Variants in RAP2B observed in about 807,000 individuals in gnomAD.
The protein encoded by RAP2B is ras-related protein Rap-2b.
In RAP2B, 6 loss-of-function variants were observed where a neutral mutation model predicts 14.4. The observed-to-expected ratio is 0.42, with a 90% CI of 0.23 to 0.82. The LOEUF (loss-of-function observed/expected upper bound fraction) is 0.82, where lower values mean the gene tolerates loss of function less well. Among genes scored for constraint, RAP2B ranks in the 40% least tolerant of loss-of-function variants. The pLI, the probability that RAP2B is intolerant of heterozygous loss-of-function variation, is 0.30. For missense variants in RAP2B, 137 were observed against 248.2 expected (o/e 0.55, Z 3.01); for synonymous variants, 118 against 113.2 (o/e 1.04, Z -0.27).
rs752382008 is a variant in RAP2B, at chr3:153,168,082, T to C, written c.*4837T>C. 6.0e-6 allele frequency: 1 copy of C among 167,030 alleles called. No homozygotes were observed. Among genetic ancestry groups the C allele is most frequent in the Non-Finnish European group, 1.5e-5 (1 of 68,112 alleles). 10.3% of individuals were successfully genotyped at this position (167,030 alleles called of 1,614,324 possible). A position where few individuals can be genotyped will look rare whatever the true frequency, so the allele number is the denominator to read the frequency against. On this transcript the variant is annotated 3_prime_UTR_variant, in exon 1 of 1. Transcript: ENST00000323534. ...TTAATTCCTTCTCATTTAGTTCTAC[T>C]GTAATCCATTCTGGGAAAATGCATA... is the stretch of plus-strand genomic sequence containing the variant.
rs1713640167 is a variant in RAP2B, at chr3:153,168,478, T to G, written c.*5233T>G. 6.0e-6 allele frequency: 1 copy of G among 165,574 alleles called. No homozygotes were observed. The highest frequency in any genetic ancestry group is 6.5e-5 in the Admixed American group (1 of 15,278). 10.3% of individuals were successfully genotyped at this position (165,574 alleles called of 1,614,324 possible). Reference sequence around the variant, plus strand: ...AATAATAAATATTTTTGGTTAAAATTTTTTTTGTTCAACCCTGTTGTTGTT... The same window carrying G: ...AATAATAAATATTTTTGGTTAAAATGTTTTTTGTTCAACCCTGTTGTTGTT... On this transcript the variant is annotated 3_prime_UTR_variant, in exon 1 of 1. Coordinates refer to ENST00000323534, the MANE Select transcript of RAP2B (RefSeq NM_002886.4).
Position 153,166,656 on chromosome 3 carries a change from C to T in RAP2B, c.*3411C>T, listed in dbSNP as rs1460911479. On this transcript the variant is annotated 3_prime_UTR_variant, in exon 1 of 1. Transcript: ENST00000323534. ...TAAAGGTATCATCTTAGGTCTAACA[C>T]TCTAGTCTTTGAGAGTTACGGTTCT... The T allele has an allele frequency of 6.0e-6, 1 of 167,044 alleles. No homozygotes were observed. Among genetic ancestry groups the T allele is most frequent in the Non-Finnish European group, 1.5e-5 (1 of 68,108 alleles). 10.3% of individuals were successfully genotyped at this position (167,044 alleles called of 1,614,324 possible).
Position 153,162,548 on chromosome 3 carries a change from G to T in RAP2B, c.-146G>T. 2.0e-6 allele frequency: 2 copies of T among 1,012,030 alleles called. No individual in the cohort carries two copies. Among genetic ancestry groups the T allele is most frequent in the Non-Finnish European group, 2.7e-6 (2 of 729,880 alleles). 62.7% of individuals were successfully genotyped at this position (1,012,030 alleles called of 1,614,324 possible). On this transcript the variant is annotated 5_prime_UTR_variant, in exon 1 of 1. Coordinates refer to ENST00000323534, the MANE Select transcript of RAP2B (RefSeq NM_002886.4). This position sits in a 1 kb window ranked among gnomAD's most constrained non-coding sequence, Gnocchi z 4.9. Reference sequence around the variant, plus strand: ...GCCCGGCCTCCGTTCGGTGGTTTCCGCCCTGCGTTCTCTGGGTTGCTCTCT... The same window carrying T: ...GCCCGGCCTCCGTTCGGTGGTTTCCTCCCTGCGTTCTCTGGGTTGCTCTCT...
chr3:153,165,321 T>C lies in RAP2B; in HGVS notation c.*2076T>C, dbSNP rs879188892. On this transcript the variant is annotated 3_prime_UTR_variant, in exon 1 of 1. Coordinates refer to ENST00000323534, the MANE Select transcript of RAP2B (RefSeq NM_002886.4). ...TTGTTCTCATTTACACCCTGCAGTT[T>C]GGACCACATTTGACCTCATAAGTTT... 1 of 167,068 alleles carries C rather than the reference T, an allele frequency of 6.0e-6. No individual in the cohort carries two copies. The highest frequency in any genetic ancestry group is 1.5e-5 in the Non-Finnish European group (1 of 68,112). The allele number at this position is 167,068 out of a possible 1,614,324, so 10.3% of individuals were successfully genotyped here.
rs1471174054 is a variant in RAP2B at position 153,168,569 on chromosome 3, G to A, written c.*5324G>A. 6.5e-6 allele frequency: 1 copy of A among 154,568 alleles called. No homozygotes were observed. Among genetic ancestry groups the A allele is most frequent in the South Asian group, 2.1e-4 (1 of 4,830 alleles). The allele number at this position is 154,568 out of a possible 1,614,324, so 9.6% of individuals were successfully genotyped here. A position where few individuals can be genotyped will look rare whatever the true frequency, so the allele number is the denominator to read the frequency against. ...GTAGCTTAATAGCTATTTGCTGAAT[G>A]AATGGAACATGGAGTGTTACATCTG... On this transcript the variant is annotated 3_prime_UTR_variant, in exon 1 of 1. Transcript: ENST00000323534.
chr3:153,164,136 T>C lies in RAP2B; in HGVS notation c.*891T>C, dbSNP rs1438596758. ...TTTCGTGTGTACTATGGTGTGTGTGTGTATGTGTGTGGTGTGTGTGTGTTT... is the reference window on the plus strand; with the variant it reads ...TTTCGTGTGTACTATGGTGTGTGTGCGTATGTGTGTGGTGTGTGTGTGTTT... On this transcript the variant is annotated 3_prime_UTR_variant, in exon 1 of 1. Coordinates refer to ENST00000323534, the MANE Select transcript of RAP2B (RefSeq NM_002886.4). 3 of 147,034 alleles carry C rather than the reference T, an allele frequency of 2.0e-5. No individual in the cohort carries two copies. The highest frequency in any genetic ancestry group is 4.4e-5 in the Non-Finnish European group (3 of 67,742). 9.1% of individuals were successfully genotyped at this position (147,034 alleles called of 1,614,324 possible).
rs1410288272 is a variant in RAP2B, at chr3:153,169,442, C to G, written c.*6197C>G. On this transcript the variant is annotated 3_prime_UTR_variant, in exon 1 of 1. Transcript: ENST00000323534. The stretch of plus-strand genomic sequence containing the variant: ...AAGTGCTGGGATTACAGGTGTGAGC[C>G]ACCGCACCCAGCCTTTTTTTTGAAA... 2.7e-5 allele frequency: 4 copies of G among 149,118 alleles called. No individual in the cohort carries two copies. The East Asian group carries it at 8.1e-4, about 30-fold the overall frequency. 9.2% of individuals were successfully genotyped at this position (149,118 alleles called of 1,614,324 possible).
rs2108016411 is a variant in RAP2B at position 153,166,060 on chromosome 3, G to GGTGC, written c.*2818_*2821dup. 1 of 167,060 alleles carries GGTGC rather than the reference G, an allele frequency of 6.0e-6. No individual in the cohort carries two copies. Among genetic ancestry groups the GGTGC allele is most frequent in the East Asian group, 1.9e-4 (1 of 5,188 alleles). 10.3% of individuals were successfully genotyped at this position (167,060 alleles called of 1,614,324 possible). On this transcript the variant is annotated 3_prime_UTR_variant, in exon 1 of 1. Coordinates refer to ENST00000323534, the MANE Select transcript of RAP2B (RefSeq NM_002886.4). The stretch of plus-strand genomic sequence containing the variant: ...AAATTGGAAATGAAATATGTTGCTG[G>GGTGC]GTGCGTTAATCACCTCCGCCCAGGA...
chr3:153,163,339 C>A lies in RAP2B; in HGVS notation c.*94C>A. 1 of 1,445,444 alleles carries A rather than the reference C, an allele frequency of 6.9e-7. No homozygotes were observed. Among genetic ancestry groups the A allele is most frequent in the South Asian group, 1.5e-5 (1 of 67,518 alleles). 89.5% of individuals were successfully genotyped at this position (1,445,444 alleles called of 1,614,324 possible). ...TTATTTCTTGCTTTGAGATTGGAGA[C>A]CACTTTGCATTGGCCAGGGTGTCTT... On this transcript the variant is annotated 3_prime_UTR_variant, in exon 1 of 1. Coordinates refer to ENST00000323534, the MANE Select transcript of RAP2B (RefSeq NM_002886.4).
chr3:153,162,663 C>G lies in RAP2B; in HGVS notation c.-31C>G, dbSNP rs1337793398. The stretch of plus-strand genomic sequence containing the variant: ...CCGGCGCGCAGCCCCGACGGGGCCG[C>G]GGCAGGCGCGGCGAGAGCGCTGACG... On this transcript the variant is annotated 5_prime_UTR_variant, in exon 1 of 1. Transcript: ENST00000323534. This position sits in a 1 kb window ranked among gnomAD's most constrained non-coding sequence, Gnocchi z 4.9. The G allele has an allele frequency of 6.4e-7, 1 of 1,564,146 alleles. No individual in the cohort carries two copies. Among genetic ancestry groups the G allele is most frequent in the African/African-American group, 1.4e-5 (1 of 73,794 alleles).
rs1252866811 is a variant in RAP2B, at chr3:153,162,795, G to A, written c.102G>A (p.Pro34=). 2.5e-6 allele frequency: 4 copies of A among 1,614,118 alleles called. No homozygotes were observed. Among genetic ancestry groups the A allele is most frequent in the East Asian group, 4.5e-5 (2 of 44,868 alleles). The part of the protein sequence containing the change: ...VTGSFIEKYD[P]TIEDFYRKEI... ...GCTCCTTCATCGAGAAGTACGACCC[G>A]ACCATCGAAGACTTTTACCGCAAGG... is the stretch of plus-strand genomic sequence containing the variant. The change falls in exon 1 of 1, where the codon CCG becomes CCA. Residue 34 remains proline, a synonymous_variant. Transcript: ENST00000323534. The surrounding 1 kb of genome is among the most constrained non-coding windows in gnomAD (Gnocchi z 4.9).
At position 153,165,686 on chromosome 3, in the gene RAP2B, A is replaced by G. The variant is rs1335470911; in HGVS notation, c.*2441A>G. ...GAGAATTTTGCCTGGCAATGGTCCT[A>G]CTGCCATTTTTTTTTTCCCACTCTG... On this transcript the variant is annotated 3_prime_UTR_variant, in exon 1 of 1. Transcript: ENST00000323534. 6.0e-6 allele frequency: 1 copy of G among 166,622 alleles called. No homozygotes were observed. Among genetic ancestry groups the G allele is most frequent in the Admixed American group, 6.6e-5 (1 of 15,230 alleles). The allele number at this position is 166,622 out of a possible 1,614,324, so 10.3% of individuals were successfully genotyped here.
Position 153,162,834 on chromosome 3 carries a change from C to T in RAP2B, c.141C>T (p.Asp47=). ...TTTACCGCAAGGAGATTGAGGTGGA[C>T]TCGTCGCCGTCGGTGCTGGAGATCC... ...EDFYRKEIEV[D]SSPSVLEILD... is the part of the protein sequence containing the mutation. Residue 47 remains aspartate (D), a synonymous_variant, in exon 1 of 1, where the codon GAC becomes GAT. Coordinates refer to ENST00000323534, the MANE Select transcript of RAP2B (RefSeq NM_002886.4). The surrounding 1 kb of genome is among the most constrained non-coding windows in gnomAD (Gnocchi z 4.9). 18 of 1,614,174 alleles carry T rather than the reference C, an allele frequency of 1.1e-5. No homozygotes were observed. The highest frequency in any genetic ancestry group is 1.5e-5 in the Non-Finnish European group (18 of 1,180,046).
At position 153,162,347 on chromosome 3, in the gene RAP2B, A is replaced by T. The variant is rs985160177; in HGVS notation, c.-347A>T. The T allele has an allele frequency of 5.7e-6, 1 of 174,272 alleles. No individual in the cohort carries two copies. The highest frequency in any genetic ancestry group is 1.2e-5 in the Non-Finnish European group (1 of 83,546). 10.8% of individuals were successfully genotyped at this position (174,272 alleles called of 1,614,324 possible). On this transcript the variant is annotated 5_prime_UTR_variant, in exon 1 of 1. Coordinates refer to ENST00000323534, the MANE Select transcript of RAP2B (RefSeq NM_002886.4). The surrounding 1 kb of genome is among the most constrained non-coding windows in gnomAD (Gnocchi z 4.9). Reference sequence around the variant, plus strand: ...GCAGCCACCTCCGCAGCCCGCCGCCACCGCCTCCCTGCCCTCCCGGGCTGC... The same window carrying T: ...GCAGCCACCTCCGCAGCCCGCCGCCTCCGCCTCCCTGCCCTCCCGGGCTGC...
At position 153,163,032 on chromosome 3, in the gene RAP2B, G is replaced by C; in HGVS notation, c.339G>C (p.Leu113=). Residue 113 remains leucine, a synonymous_variant, in exon 1 of 1, where the codon CTG becomes CTC. Transcript: ENST00000323534. ...GGTACGAGCGCGTGCCCATGATCCTGGTGGGCAACAAGGTGGACCTGGAGG... is the reference window on the plus strand; with the variant it reads ...GGTACGAGCGCGTGCCCATGATCCTCGTGGGCAACAAGGTGGACCTGGAGG... ...VKRYERVPMI[L]VGNKVDLEGE... The C allele has an allele frequency of 6.2e-7, 1 of 1,614,146 alleles. No homozygotes were observed. The highest frequency in any genetic ancestry group is 1.1e-5 in the South Asian group (1 of 91,080).
At position 153,164,057 on chromosome 3, in the gene RAP2B, GGTA is replaced by G. The variant is rs1266206922; in HGVS notation, c.*816_*818del. The G allele has an allele frequency of 1.2e-5, 2 of 166,392 alleles. No homozygotes were observed. Among genetic ancestry groups the G allele is most frequent in the African/African-American group, 4.8e-5 (2 of 41,238 alleles). 10.3% of individuals were successfully genotyped at this position (166,392 alleles called of 1,614,324 possible). A position where few individuals can be genotyped will look rare whatever the true frequency, so the allele number is the denominator to read the frequency against. ...ATCAAAGGGGAGTCTGGGGGAGAAT[GGTA>G]GTATTTTTTTTTTTTATCAGCTGTG... On this transcript the variant is annotated 3_prime_UTR_variant, in exon 1 of 1. Transcript: ENST00000323534.
rs531425298 is a variant in RAP2B, at chr3:153,170,529, G to T, written c.*7284G>T. 2.0e-5 allele frequency: 3 copies of T among 152,302 alleles called. No individual in the cohort carries two copies. In the East Asian group the frequency reaches 5.8e-4, roughly 29 times the overall value. The allele number at this position is 152,302 out of a possible 1,614,324, so 9.4% of individuals were successfully genotyped here. On this transcript the variant is annotated 3_prime_UTR_variant, in exon 1 of 1. Transcript: ENST00000323534. Reference sequence around the variant, plus strand: ...GTGTCATCAGTTATAATACTGTGGGGCTGTTTGGCAGACAATAGAGTAGAT... The same window carrying T: ...GTGTCATCAGTTATAATACTGTGGGTCTGTTTGGCAGACAATAGAGTAGAT...
rs542144350 is a variant in RAP2B, at chr3:153,165,565, A to C, written c.*2320A>C. The C allele has an allele frequency of 1.8e-5, 3 of 166,680 alleles. 1 individual carries two copies. In the South Asian group the frequency reaches 6.2e-4, roughly 35 times the overall value. 10.3% of individuals were successfully genotyped at this position (166,680 alleles called of 1,614,324 possible). A position where few individuals can be genotyped will look rare whatever the true frequency, so the allele number is the denominator to read the frequency against. On this transcript the variant is annotated 3_prime_UTR_variant, in exon 1 of 1. Transcript: ENST00000323534. ...CACAGGTTTCTTTAAAGCTGTGTTA[A>C]CATATCTTGCCTTAAAATGTGTGTG...
Position 153,163,146 on chromosome 3 carries a change from C to G in RAP2B, c.453C>G (p.Ala151=). The change falls in exon 1 of 1, where the codon GCC becomes GCG. Residue 151 remains alanine, a synonymous_variant. Transcript: ENST00000323534. ...PFMETSAKNK[A]SVDELFAEIV... ...TGGAGACGTCGGCCAAAAACAAAGC[C>G]TCGGTAGACGAGCTATTTGCCGAGA... 2 of 1,612,418 alleles carry G rather than the reference C, an allele frequency of 1.2e-6. No homozygotes were observed. Among genetic ancestry groups the G allele is most frequent in the Non-Finnish European group, 1.7e-6 (2 of 1,179,656 alleles).
Sources: gnomAD v4.1 joint callset for allele counts on GRCh38, gnomAD v4.1.1 for gene constraint, Gnocchi (gnomAD v3.1) non-coding constraint, MANE v1.5 for transcripts, NCBI Gene and HGNC (gene_info 2026-07-23, HGNC 2026-07-21) for gene names.